The following REV3L variants were observed in gnomAD, a reference collection of about 807,000 sequenced individuals.
REV3L encodes the protein REV3 like, DNA directed polymerase zeta catalytic subunit, also known as DNA polymerase zeta catalytic subunit.
REV3L carries 69 observed loss-of-function variants against 299.4 expected under a neutral mutation model. The ratio of observed to expected loss-of-function variants is 0.23; its 90% confidence interval spans 0.19 to 0.28. The LOEUF is 0.28. Ranked by LOEUF, REV3L falls within the 10% of genes least tolerant of loss-of-function variation. REV3L has a pLI of 1.00. For missense variants in REV3L, 3,128 were observed against 3,693.8 expected (o/e 0.85, Z 3.97); for synonymous variants, 1,238 against 1,271.4 (o/e 0.97, Z 0.56).
At chr6:111,475,292 T>C (rs1486637093) in intron 1 of REV3L, among the ~76,000 whole-genome samples, 2 of 152,188 alleles carry the variant, frequency 1.3e-5, no homozygotes, top group Non-Finnish European at 2.9e-5. Flanking sequence ...TTTCCAATCT[T>C]TTGCAGTAAC....
chr6:111,410,543 C>T (rs1360273672), intron 3 of REV3L, among the ~76,000 whole-genome samples: 2 of 152,034 alleles, frequency 1.3e-5, no homozygotes, highest in Non-Finnish European at 2.9e-5. Flanking sequence ...TTGTACTCCA[C>T]GAATATGAGG....
At chr6:111,349,113 A>G in intron 20 of REV3L, 105 bp downstream of exon 20, 1 of 613,742 alleles carries the variant, frequency 1.6e-6, no homozygotes, top group Non-Finnish European at 2.8e-6. Flanking sequence ...GTAATTGACA[A>G]ACGCATAAGC....
chr6:111,430,848 G>A, intron 1 of REV3L: 1 of 1,607,132 alleles, frequency 6.2e-7, no homozygotes, highest in Non-Finnish European at 8.5e-7. Context: ...AAATTGGAAA[G>A]AAGAAAACCA....
chr6:111,360,059 G>A (rs995149545), intron 16 of REV3L, among the ~76,000 whole-genome samples: 3 of 152,048 alleles, frequency 2.0e-5, no homozygotes, highest in Admixed American at 6.6e-5. Flanking sequence ...ATGTTTACTC[G>A]AGAATAGCAA....
chr6:111,369,308 G>A (rs1779549421), intron 13 of REV3L, among the ~76,000 whole-genome samples: 1 of 149,006 alleles, frequency 6.7e-6, no homozygotes, highest in South Asian at 2.1e-4. Context: ...AAAAAAAATG[G>A]TGAGGTGTGG....
At chr6:111,397,654 T>C (rs1378989569) in intron 4 of REV3L, among the ~76,000 whole-genome samples, 1 of 152,128 alleles carries the variant, frequency 6.6e-6, no homozygotes, top group East Asian at 1.9e-4. Flanking sequence ...TATTTATTTA[T>C]TGAGACAGTG....
rs1353935000 is a variant in REV3L at position 111,299,227 on chromosome 6, AAG to A, written c.*787_*788del. On this transcript the variant is annotated 3_prime_UTR_variant, in exon 32 of 32. Coordinates refer to ENST00000368802, the MANE Select transcript of REV3L (RefSeq NM_001372078.1). ...AGATTAACTGTACAGTACATAAGGA[AAG>A]AAAATATTTTAAGTATATTTAGAAG... The A allele has an allele frequency of 2.0e-5, 3 of 152,610 alleles. No homozygotes were observed. Among genetic ancestry groups the A allele is most frequent in the Admixed American group, 6.5e-5 (1 of 15,274 alleles). The allele number at this position is 152,610 out of a possible 1,614,324, so 9.5% of individuals were successfully genotyped here.
At position 111,313,528 on chromosome 6, in the gene REV3L, TC is replaced by T. The variant is rs769966760; in HGVS notation, c.8467-40del. 1.1e-5 allele frequency: 17 copies of T among 1,557,308 alleles called. No individual in the cohort carries two copies. In the African/African-American group the frequency reaches 1.4e-4, roughly 13 times the overall value. ...AATAAAATGCCTCTTAAAAACCATT[TC>T]CCCCCACCAAGAATGTTTTATTTTT... is the stretch of plus-strand genomic sequence containing the variant. On this transcript the variant is annotated intron_variant, in intron 27 of 31. Transcript: ENST00000368802.
chr6:111,302,372 T>A (rs1771662335), intron 31 of REV3L, among the ~76,000 whole-genome samples: 1 of 152,232 alleles, frequency 6.6e-6, no homozygotes, highest in Admixed American at 6.5e-5. Context: ...TTTCTGTGCT[T>A]GTCTGATAAA....
At chr6:111,436,374 A>G (rs1787552315) in intron 1 of REV3L, among the ~76,000 whole-genome samples, 1 of 152,224 alleles carries the variant, frequency 6.6e-6, no homozygotes, top group Non-Finnish European at 1.5e-5. Context: ...ATTAGAATCA[A>G]TGTAAGTGCC....
chr6:111,410,612 C>T (rs1165029453), intron 3 of REV3L, among the ~76,000 whole-genome samples: 2 of 152,130 alleles, frequency 1.3e-5, no homozygotes, highest in Non-Finnish European at 2.9e-5. Flanking sequence ...AGATCAAGGG[C>T]AGGATGTAAG....
rs373009998 is a variant in REV3L at position 111,347,972 on chromosome 6, C to T, written c.7419+1246G>A. Among the ~76,000 whole-genome samples the T allele has an allele frequency of 2.2e-3, 338 of 152,184 alleles. 1 individual carries two copies. The highest frequency in any genetic ancestry group is 7.6e-3 in the African/African-American group (314 of 41,532). On this transcript the variant is annotated intron_variant, in intron 20 of 31. Coordinates refer to ENST00000368802, the MANE Select transcript of REV3L (RefSeq NM_001372078.1). ...CACATGCTACCATACATGGCTAACT[C>T]GTATTTTTTGGTAGAGACGGGGTTT...
chr6:111,367,879 C>T lies in REV3L; in HGVS notation c.5909G>A (p.Arg1970His), dbSNP rs3218606. 0.014 allele frequency: 22,824 copies of T among 1,614,112 alleles called. 354 individuals are homozygous for T. Among genetic ancestry groups the T allele is most frequent in the Admixed American group, 0.078 (4,671 of 60,022 alleles). Residue 1970 changes from arginine (R) to histidine (H), a missense_variant, in exon 14 of 32, where the codon CGC becomes CAC. This residue lies in a region of REV3L where 2,409 missense variants were observed against 2,611.8 expected (regional missense o/e 0.92). Transcript: ENST00000368802. ...TTTATTGACAACTCCTTGGCCACTGCGAAGGGGTGACCCTGGCCTTGGATT... is the reference window on the plus strand; with the variant it reads ...TTTATTGACAACTCCTTGGCCACTGTGAAGGGGTGACCCTGGCCTTGGATT... ...TQNPRPGSPL[R>H]SGQGVVNKGS...
rs767662939 is a variant in REV3L, at chr6:111,482,914, CT to C, written c.-27del. On this transcript the variant is annotated 5_prime_UTR_variant, in exon 1 of 32. Coordinates refer to ENST00000368802, the MANE Select transcript of REV3L (RefSeq NM_001372078.1). ...GTTCGCCGCCGCCGCCACTGCCTCC[CT>C]TCACTGGCGACCCGGCAGCGGCAGC... is the stretch of plus-strand genomic sequence containing the variant. The C allele has an allele frequency of 2.0e-6, 3 of 1,501,428 alleles. No individual in the cohort carries two copies. Among genetic ancestry groups the C allele is most frequent in the Non-Finnish European group, 1.8e-6 (2 of 1,135,772 alleles). 93.0% of individuals were successfully genotyped at this position (1,501,428 alleles called of 1,614,324 possible). A position where few individuals can be genotyped will look rare whatever the true frequency, so the allele number is the denominator to read the frequency against.
In REV3L at chr6:111,333,140, A is replaced by G. The variant is rs540329639; in HGVS notation, c.7908T>C (p.His2636=). Residue 2636 remains histidine, a synonymous_variant, in exon 23 of 32, where the codon CAT becomes CAC. Coordinates refer to ENST00000368802, the MANE Select transcript of REV3L (RefSeq NM_001372078.1). ...AACCTTACTTTCCCAAGTTCTCCACATGGCCAAGGCAGGTGGAAAAGCAGT... is the reference window on the plus strand; with the variant it reads ...AACCTTACTTTCCCAAGTTCTCCACGTGGCCAAGGCAGGTGGAAAAGCAGT... ...YNYCFSTCLG[H]VENLGKYDEF... is the part of the protein sequence containing the mutation. The G allele has an allele frequency of 2.0e-4, 316 of 1,613,936 alleles. 4 individuals are homozygous for G. In the South Asian group the frequency reaches 3.3e-3, roughly 17 times the overall value.
intron 31 of REV3L, among the ~76,000 whole-genome samples, chr6:111,303,469 C>T (rs1269713338): frequency 2.6e-5 from 4 of 151,310 alleles, no homozygotes; most frequent in Admixed American, 1.3e-4. Context: ...CTGGCTCAAG[C>T]GATTGTCCTA....
At chr6:111,458,081 A>G (rs1342839790) in intron 1 of REV3L, among the ~76,000 whole-genome samples, 2 of 152,132 alleles carry the variant, frequency 1.3e-5, no homozygotes, top group Non-Finnish European at 2.9e-5. Context: ...CACATCTAAA[A>G]CCTAATTCAC....
intron 1 of REV3L, among the ~76,000 whole-genome samples, chr6:111,418,778 T>C (rs1178135094): frequency 1.3e-5 from 2 of 152,176 alleles, no homozygotes; most frequent in African/African-American, 2.4e-5. Flanking sequence ...TATCTAACTT[T>C]CCCATTTCAT....
In REV3L at chr6:111,483,011, C is replaced by G; in HGVS notation, c.-123G>C. ...CCTTCTCGGCACGGCCCCCTCCCCT[C>G]ACACAGAGGCACCTCGAGGAGCGGC... is the stretch of plus-strand genomic sequence containing the variant. On this transcript the variant is annotated 5_prime_UTR_variant, in exon 1 of 32. Coordinates refer to ENST00000368802, the MANE Select transcript of REV3L (RefSeq NM_001372078.1). 8.4e-7 allele frequency: 1 copy of G among 1,187,418 alleles called. No homozygotes were observed. Among genetic ancestry groups the G allele is most frequent in the Non-Finnish European group, 1.1e-6 (1 of 910,760 alleles). 73.6% of individuals were successfully genotyped at this position (1,187,418 alleles called of 1,614,324 possible).
Sources: gnomAD v4.1 joint callset for allele counts (sites outside exome capture counted in the v4.1 genomes callset) on GRCh38, gnomAD v4.1.1 for gene constraint, gnomAD v4.1.1 regional missense constraint, MANE v1.5 for transcripts, NCBI Gene and HGNC (gene_info 2026-07-23, HGNC 2026-07-21) for gene names.